PRDM1: variants seen among roughly 807,000 people sequenced by gnomAD.
The protein encoded by PRDM1 is PR domain zinc finger protein 1.
Under a neutral mutation model 62.8 loss-of-function variants are expected in PRDM1, and 13 were observed. That is an observed-to-expected ratio of 0.21 (90% CI 0.13 to 0.33). The LOEUF (loss-of-function observed/expected upper bound fraction) is 0.33, where lower values mean the gene tolerates loss of function less well. PRDM1 is among the 10% of genes least tolerant of loss of function. The pLI, the probability that PRDM1 is intolerant of heterozygous loss-of-function variation, is 1.00. For synonymous variants in PRDM1, 396 were observed against 417.6 expected, an observed-to-expected ratio of 0.95 and a Z score of 0.63; for missense variants, 895 against 1,058.8, an observed-to-expected ratio of 0.85 and a Z score of 2.15.
chr6:106,056,154 G>C (rs1037390654), intron 1 of PRDM1, among the ~76,000 whole-genome samples: 1 of 152,088 alleles, frequency 6.6e-6, no homozygotes, highest in Non-Finnish European at 1.5e-5. Flanking sequence ...CTGTCATAAT[G>C]TAAGCACAAA....
At chr6:106,060,765 C>T (rs4945740) in intron 1 of PRDM1, among the ~76,000 whole-genome samples, 134,343 of 151,960 alleles carry the variant, frequency 0.88, 59,474 homozygotes, top group South Asian at 0.94. Flanking sequence ...AGGACATGTG[C>T]TTCATGGCAT....
Position 105,996,884 on chromosome 6 carries a change from C to T in PRDM1, c.-67+3245C>T, listed in dbSNP as rs148631910. ...TTCCGCCAAATTGACTGTCTCCTGGCGTGGAGGCACATCACCACGATTTTG... is the reference window on the plus strand; with the variant it reads ...TTCCGCCAAATTGACTGTCTCCTGGTGTGGAGGCACATCACCACGATTTTG... On this transcript the variant is annotated intron_variant, in intron 1 of 6. Coordinates refer to the PRDM1 transcript ENST00000652320. Among the ~76,000 whole-genome samples, 759 of 152,252 alleles carry T rather than the reference C, an allele frequency of 5.0e-3. 10 individuals are homozygous for T. Among genetic ancestry groups the T allele is most frequent in the African/African-American group, 0.017 (702 of 41,548 alleles).
chr6:106,056,984 C>T (rs1205153667), intron 1 of PRDM1, among the ~76,000 whole-genome samples: 1 of 152,220 alleles, frequency 6.6e-6, no homozygotes, highest in Admixed American at 6.5e-5. Flanking sequence ...AGGAATATGA[C>T]TTCAGCACTA....
At chr6:106,073,999 T>TG (rs1345430969) in intron 1 of PRDM1, among the ~76,000 whole-genome samples, 2 of 152,086 alleles carry the variant, frequency 1.3e-5, no homozygotes, top group South Asian at 2.1e-4. Context: ...ATGCAAAATT[T>TG]GGGGGGAGGG....
intron 1 of PRDM1, among the ~76,000 whole-genome samples, chr6:106,075,482 A>G (rs1429831434): frequency 6.6e-6 from 1 of 152,200 alleles, no homozygotes; most frequent in Non-Finnish European, 1.5e-5. Flanking sequence ...AATGCAAGAC[A>G]TTTTCAAAAA....
chr6:106,003,603 T>C (rs1772451886), intron 1 of PRDM1, among the ~76,000 whole-genome samples: 1 of 152,208 alleles, frequency 6.6e-6, no homozygotes, highest in South Asian at 2.1e-4. Flanking sequence ...TTTCTTACTT[T>C]ATAGTTGGAT....
intron 1 of PRDM1, among the ~76,000 whole-genome samples, chr6:106,015,276 T>A (rs1211360765): frequency 2.0e-5 from 3 of 152,208 alleles, no homozygotes; most frequent in Non-Finnish European, 4.4e-5. Flanking sequence ...TCTCTCTTCC[T>A]CCTCTTTTCT....
intron 1 of PRDM1, among the ~76,000 whole-genome samples, chr6:106,062,069 G>A (rs183557104): frequency 2.8e-4 from 43 of 152,328 alleles, no homozygotes; most frequent in Admixed American, 2.1e-3. Context: ...CATCAGTGTT[G>A]CAGAGCAAGT....
rs759990986 is a variant in PRDM1 at position 106,105,754 on chromosome 6, A to G, written c.1594A>G (p.Lys532Glu). ...AATAEHVVQP[K>E]ATSAAMAAPS... ...CACGGCAGAACATGTGGTGCAGCCC[A>G]AAGCTACCTCAGCAGCGATGGCAGC... is the stretch of plus-strand genomic sequence containing the variant. Residue 532 changes from lysine to glutamate, a missense_variant, in exon 5 of 7, where the codon AAA becomes GAA. Coordinates refer to ENST00000369096, the MANE Select transcript of PRDM1 (RefSeq NM_001198.4). 2.5e-6 allele frequency: 4 copies of G among 1,614,086 alleles called. No individual in the cohort carries two copies. In the South Asian group the frequency reaches 3.3e-5, roughly 13 times the overall value.
intron 4 of PRDM1, among the ~76,000 whole-genome samples, chr6:106,101,947 C>T (rs1489545035): frequency 6.6e-6 from 1 of 152,216 alleles, no homozygotes; most frequent in Non-Finnish European, 1.5e-5. Flanking sequence ...GAAACCCCTA[C>T]CCCTCCCAAA....
intron 1 of PRDM1, among the ~76,000 whole-genome samples, chr6:106,064,816 C>T (rs1022625074): frequency 1.3e-5 from 2 of 152,188 alleles, no homozygotes; most frequent in South Asian, 2.1e-4. Context: ...TTGGAAAGAG[C>T]CTTGAGAGGC....
intron 1 of PRDM1, among the ~76,000 whole-genome samples, chr6:106,026,589 T>TG (rs1169042050): frequency 6.6e-6 from 1 of 152,208 alleles, no homozygotes; most frequent in Non-Finnish European, 1.5e-5. Context: ...ATTTCCTACC[T>TG]GTAAGTGACA....
chr6:106,007,042 C>A (rs1407976818), intron 1 of PRDM1, among the ~76,000 whole-genome samples: 1 of 151,918 alleles, frequency 6.6e-6, no homozygotes, highest in Non-Finnish European at 1.5e-5. Flanking sequence ...TCACATCTGA[C>A]TTGATTTCTC....
intron 1 of PRDM1, among the ~76,000 whole-genome samples, chr6:106,063,813 T>A (rs1004547465): frequency 6.6e-6 from 1 of 152,160 alleles, no homozygotes; most frequent in Non-Finnish European, 1.5e-5. Flanking sequence ...TGTATGCGAG[T>A]CTTATTTAAA....
chr6:106,086,008 CTG>C (rs1401592680), upstream of PRDM1, among the ~76,000 whole-genome samples: 2 of 152,118 alleles, frequency 1.3e-5, no homozygotes, highest in Non-Finnish European at 2.9e-5. Flanking sequence ...AAATCAGAAA[CTG>C]TGTAGGTAAA....
At chr6:106,015,598 TG>T (rs1772609989) in intron 1 of PRDM1, among the ~76,000 whole-genome samples, 1 of 41,470 alleles carries the variant, frequency 2.4e-5, no homozygotes, top group Non-Finnish European at 4.5e-5. Context: ...ATGTAAGGGG[TG>T]GGTGGGAAGG....
intron 1 of PRDM1, among the ~76,000 whole-genome samples, chr6:106,006,277 T>A (rs1393761045): frequency 6.6e-6 from 1 of 152,246 alleles, no homozygotes; most frequent in African/African-American, 2.4e-5. Flanking sequence ...TAGGACTGAC[T>A]TCTCCAGATA....
At position 106,052,923 on chromosome 6, in the gene PRDM1, C is replaced by T. The variant is rs9486270; in HGVS notation, c.-67+4209C>T. 8.1e-3 allele frequency among the ~76,000 whole-genome samples: 1,223 copies of T among 151,688 alleles called. 16 individuals are homozygous for T. Among genetic ancestry groups the T allele is most frequent in the African/African-American group, 0.029 (1,187 of 41,308 alleles). ...CTGAGGTTGCAGTGAGCTGAGATCA[C>T]GCCACTGCACTCCAGCCTGTACAAC... is the stretch of plus-strand genomic sequence containing the variant. On this transcript the variant is annotated intron_variant, in intron 1 of 6. Transcript: ENST00000651185.
intron 1 of PRDM1, among the ~76,000 whole-genome samples, chr6:106,035,792 G>A (rs1772918058): frequency 6.6e-6 from 1 of 151,854 alleles, no homozygotes; most frequent in Non-Finnish European, 1.5e-5. Context: ...CATAAAATTG[G>A]GTCATGGGTC....
Sources: gnomAD v4.1 joint callset for allele counts (sites outside exome capture counted in the v4.1 genomes callset) on GRCh38, gnomAD v4.1.1 for gene constraint, MANE v1.5 for transcripts, NCBI Gene and HGNC (gene_info 2026-07-23, HGNC 2026-07-21) for gene names.